The following KIZ variants were observed in gnomAD, a reference collection of about 807,000 sequenced individuals.
KIZ encodes kizuna centrosomal protein.
In KIZ, 68 loss-of-function variants were observed where a neutral mutation model predicts 79.6. The observed-to-expected ratio is 0.85, with a 90% CI of 0.70 to 1.05. The LOEUF (loss-of-function observed/expected upper bound fraction) is 1.05. KIZ is among the 50% of genes least tolerant of loss of function. The pLI is 0.00. For missense variants in KIZ, 797 were observed against 800.4 expected, an observed-to-expected ratio of 1.00 and a Z score of 0.05; for synonymous variants, 280 against 281.8, an observed-to-expected ratio of 0.99 and a Z score of 0.06.
At chr20:21,212,265 T>TA (rs1310918273) in intron 7 of KIZ, among the ~76,000 whole-genome samples, 1 of 152,208 alleles carries the variant, frequency 6.6e-6, no homozygotes, top group Non-Finnish European at 1.5e-5. Context: ...ATCCTGGAGA[T>TA]AAGTATTGAG....
chr20:21,128,860 G>A (rs1301558566), intron 1 of KIZ, among the ~76,000 whole-genome samples: 2 of 152,216 alleles, frequency 1.3e-5, no homozygotes, highest in African/African-American at 4.8e-5. Flanking sequence ...GATATTAGTA[G>A]AGTAAGCTGA....
intron 6 of KIZ, among the ~76,000 whole-genome samples, chr20:21,205,120 A>G (rs2035762332): frequency 6.6e-6 from 1 of 152,138 alleles, no homozygotes; most frequent in Non-Finnish European, 1.5e-5. Context: ...TCATGATCCA[A>G]TGAGACTAAA....
chr20:21,145,225 A>G (rs1169158010), intron 3 of KIZ, among the ~76,000 whole-genome samples: 1 of 151,896 alleles, frequency 6.6e-6, no homozygotes, highest in Non-Finnish European at 1.5e-5. Context: ...TGCTACTTTC[A>G]TAATAAAGGA....
At chr20:21,216,540 A>G (rs2036301860) in intron 9 of KIZ, among the ~76,000 whole-genome samples, 1 of 152,208 alleles carries the variant, frequency 6.6e-6, no homozygotes, top group South Asian at 2.1e-4. Flanking sequence ...GTTATTGTAT[A>G]TATTATGCAT....
chr20:21,236,327 GGA>G (rs1211854019), intron 11 of KIZ, among the ~76,000 whole-genome samples: 2 of 151,996 alleles, frequency 1.3e-5, no homozygotes, highest in Middle Eastern at 3.2e-3. Context: ...TTTTCTTTCT[GGA>G]TTATTTTTTG....
chr20:21,193,634 T>A (rs930663931), intron 6 of KIZ, among the ~76,000 whole-genome samples: 2 of 151,986 alleles, frequency 1.3e-5, no homozygotes, highest in African/African-American at 4.8e-5. Context: ...GACTGGATTA[T>A]GAAAATGTGG....
chr20:21,207,271 C>T (rs2035863632), intron 7 of KIZ, among the ~76,000 whole-genome samples: 1 of 152,126 alleles, frequency 6.6e-6, no homozygotes, highest in Admixed American at 6.5e-5. Flanking sequence ...TCCTCAGACC[C>T]CTCTTTCCTT....
At chr20:21,183,680 G>C (rs1445788274) in intron 6 of KIZ, among the ~76,000 whole-genome samples, 1 of 151,858 alleles carries the variant, frequency 6.6e-6, no homozygotes, top group East Asian at 1.9e-4. Flanking sequence ...TACAGAAACA[G>C]TAAATTACAG....
chr20:21,204,668 C>A (rs1051109267), intron 6 of KIZ, among the ~76,000 whole-genome samples: 4 of 152,008 alleles, frequency 2.6e-5, no homozygotes, highest in African/African-American at 7.2e-5. Context: ...CAAGATGTTT[C>A]AGGTTCATCT....
chr20:21,157,808 A>G (rs2033455828), intron 4 of KIZ, among the ~76,000 whole-genome samples: 1 of 152,200 alleles, frequency 6.6e-6, no homozygotes, highest in Admixed American at 6.5e-5. Context: ...GGATCAAAAG[A>G]GGAAGGTGCT....
In KIZ at chr20:21,176,569, CAAA is replaced by C. The variant is rs35016994; in HGVS notation, c.1352+13424_1352+13426del. Among the ~76,000 whole-genome samples the C allele has an allele frequency of 1.4e-3, 187 of 131,064 alleles. 2 individuals are homozygous for C. The highest frequency in any genetic ancestry group is 4.0e-3 in the African/African-American group (139 of 35,062). 86.0% of individuals were successfully genotyped at this position (131,064 alleles called of 152,430 possible). A position where few individuals can be genotyped will look rare whatever the true frequency, so the allele number is the denominator to read the frequency against. On this transcript the variant is annotated intron_variant, in intron 6 of 12. Transcript: ENST00000619189. Reference sequence around the variant, plus strand: ...AAAACATTACAAGGCACAAAAAAGGCAAAAAAAAAAAAAAAATACAGTTTGAAT... The same window carrying C: ...AAAACATTACAAGGCACAAAAAAGGCAAAAAAAAAAAAATACAGTTTGAAT...
chr20:21,218,081 T>A (rs1192942544), intron 9 of KIZ: 1 of 152,238 alleles, frequency 6.6e-6, no homozygotes, highest in East Asian at 1.9e-4. Context: ...ATAGTACTGC[T>A]ATGTTAGTTT....
intron 3 of KIZ, among the ~76,000 whole-genome samples, chr20:21,140,955 A>G (rs1373828799): frequency 6.6e-6 from 1 of 152,126 alleles, no homozygotes; most frequent in Non-Finnish European, 1.5e-5. Context: ...ATAGTGAGCT[A>G]TGATGGTGAC....
chr20:21,132,813 A>G (rs768471271), intron 2 of KIZ: 1 of 152,230 alleles, frequency 6.6e-6, no homozygotes, highest in African/African-American at 2.4e-5. Context: ...AGCTTGTGTG[A>G]TGATTAAGAC....
chr20:21,172,105 A>T (rs990545467), intron 6 of KIZ, among the ~76,000 whole-genome samples: 25 of 152,308 alleles, frequency 1.6e-4, no homozygotes, highest in African/African-American at 6.0e-4. Flanking sequence ...ATGAGATGTA[A>T]TGACTTGGTG....
At chr20:21,183,300 G>A (rs1222580445) in intron 6 of KIZ, among the ~76,000 whole-genome samples, 2 of 152,200 alleles carry the variant, frequency 1.3e-5, no homozygotes, top group Non-Finnish European at 2.9e-5. Flanking sequence ...TCTAAAATTC[G>A]ATTGTGTGAT....
At chr20:21,208,560 G>A (rs1311134703) in intron 7 of KIZ, among the ~76,000 whole-genome samples, 7 of 152,112 alleles carry the variant, frequency 4.6e-5, no homozygotes, top group South Asian at 2.1e-4. Flanking sequence ...AAAATTAGCC[G>A]GGTGTGCTGG....
At chr20:21,191,465 T>C (rs1028662742) in intron 6 of KIZ, among the ~76,000 whole-genome samples, 12 of 152,252 alleles carry the variant, frequency 7.9e-5, no homozygotes, top group African/African-American at 2.7e-4. Context: ...GTTTTGAGTC[T>C]ATGGCGAAAG....
intron 2 of KIZ, among the ~76,000 whole-genome samples, chr20:21,134,587 AC>A (rs1200953531): frequency 6.7e-6 from 1 of 149,114 alleles, no homozygotes; most frequent in African/African-American, 2.5e-5. Context: ...CTGTTCCCCC[AC>A]CTGGAATGTT....
Sources: gnomAD v4.1 joint callset for allele counts (sites outside exome capture counted in the v4.1 genomes callset) on GRCh38, gnomAD v4.1.1 for gene constraint, MANE v1.5 for transcripts, NCBI Gene and HGNC (gene_info 2026-07-23, HGNC 2026-07-21) for gene names.